MAP3K13: variants seen among roughly 807,000 people sequenced by gnomAD.
MAP3K13 encodes the protein mitogen-activated protein kinase kinase kinase 13.
A neutral mutation model predicts 104.0 loss-of-function variants in MAP3K13; 52 were observed. The ratio of observed to expected loss-of-function variants is 0.50; its 90% confidence interval spans 0.40 to 0.63. The LOEUF (loss-of-function observed/expected upper bound fraction) is 0.63, where lower values mean the gene tolerates loss of function less well. MAP3K13 is among the 20% of genes least tolerant of loss of function. The probability of loss-of-function intolerance (pLI) is 0.00; values close to 1 mark genes in which losing one functional copy is unlikely to be tolerated. For synonymous variants in MAP3K13, 394 were observed against 442.2 expected, an observed-to-expected ratio of 0.89 and a Z score of 1.37; for missense variants, 914 against 1,218.5, an observed-to-expected ratio of 0.75 and a Z score of 3.72.
chr3:185,285,596 A>G (rs1720479409), exon 2 of MAP3K13: 3 of 1,533,302 alleles, frequency 2.0e-6, no homozygotes, highest in South Asian at 1.2e-5. Context: ...GGACAAAAAC[A>G]TGAGTCAATA....
chr3:185,323,948 T>C (rs1031246047), intron 2 of MAP3K13, among the ~76,000 whole-genome samples: 12 of 152,154 alleles, frequency 7.9e-5, no homozygotes, highest in Admixed American at 7.9e-4. Flanking sequence ...GATGACGTCA[T>C]TGTACTTTTA....
intron 2 of MAP3K13, among the ~76,000 whole-genome samples, chr3:185,345,313 C>T (rs1435147299): frequency 6.6e-6 from 1 of 152,148 alleles, no homozygotes; most frequent in Non-Finnish European, 1.5e-5. Flanking sequence ...CTCCCACCTC[C>T]TCAATGTATA....
At position 185,466,778 on chromosome 3, in the gene MAP3K13, C is replaced by T. The variant is rs200257770; in HGVS notation, c.1506-48C>T. The T allele has an allele frequency of 1.6e-4, 254 of 1,610,052 alleles. 1 individual carries two copies. The highest frequency in any genetic ancestry group is 1.5e-3 in the Middle Eastern group (9 of 6,010). ...AGCCGGTGAAAATATTCTGCCTATC[C>T]TTTCTGTCTGCAATGACTGAGGTGT... On this transcript the variant is annotated intron_variant, in intron 9 of 13. Transcript: ENST00000265026.
exon 2 of MAP3K13, chr3:185,285,575 G>T: frequency 6.6e-7 from 1 of 1,523,744 alleles, no homozygotes; most frequent in Non-Finnish European, 8.8e-7. Context: ...AGAAACCCAC[G>T]GACCATTAAT....
chr3:185,331,393 C>A (rs927703265), intron 2 of MAP3K13, among the ~76,000 whole-genome samples: 3 of 151,836 alleles, frequency 2.0e-5, no homozygotes, highest in Non-Finnish European at 4.4e-5. Context: ...CTGCGCCTGG[C>A]CTTTTCTTTT....
intron 1 of MAP3K13, among the ~76,000 whole-genome samples, chr3:185,368,219 T>C (rs1577471719): frequency 6.6e-6 from 1 of 152,168 alleles, no homozygotes; most frequent in African/African-American, 2.4e-5. Flanking sequence ...GTATTCCCAC[T>C]GTACAGATGA....
chr3:185,463,706 A>C (rs760580856), intron 8 of MAP3K13, 47 bp downstream of exon 8: 1 of 1,063,394 alleles, frequency 9.4e-7, no homozygotes, highest in Admixed American at 1.7e-5. Flanking sequence ...CCAGGTCTTC[A>C]GATGTTAACA....
intron 1 of MAP3K13, among the ~76,000 whole-genome samples, chr3:185,414,829 A>G (rs1713653722): frequency 6.6e-6 from 1 of 152,212 alleles, no homozygotes; most frequent in Non-Finnish European, 1.5e-5. Context: ...CCAAATACTG[A>G]CAATGAATTT....
intron 1 of MAP3K13, among the ~76,000 whole-genome samples, chr3:185,414,626 G>A (rs1713638729): frequency 6.6e-6 from 1 of 152,182 alleles, no homozygotes; most frequent in African/African-American, 2.4e-5. Flanking sequence ...CAGGAACAGG[G>A]TGTAGAATCT....
At position 185,356,769 on chromosome 3, in the gene MAP3K13, TCG is replaced by T. The variant is rs1401308389; in HGVS notation, c.-86+71128_-86+71129del. 9.9e-5 allele frequency among the ~76,000 whole-genome samples: 15 copies of T among 152,202 alleles called. 1 individual carries two copies. The highest frequency in any genetic ancestry group is 2.9e-5 in the Non-Finnish European group (2 of 68,046). Reference sequence around the variant, plus strand: ...TGCCACGTGCTCACTCTTGGAGCACTCGCTTCAGATGGGGTCATCCCTATCTG... The same window carrying T: ...TGCCACGTGCTCACTCTTGGAGCACTCTTCAGATGGGGTCATCCCTATCTG... On this transcript the variant is annotated intron_variant, in intron 2 of 14. Coordinates refer to the MAP3K13 transcript ENST00000424227.
At chr3:185,398,205 G>A (rs569232974) in intron 1 of MAP3K13, among the ~76,000 whole-genome samples, 1 of 152,222 alleles carries the variant, frequency 6.6e-6, no homozygotes, top group Non-Finnish European at 1.5e-5. Flanking sequence ...AGAAATAACC[G>A]AGAGCCTAAG....
At chr3:185,437,831 G>A (rs559403103) in intron 3 of MAP3K13, among the ~76,000 whole-genome samples, 19 of 152,202 alleles carry the variant, frequency 1.2e-4, no homozygotes, top group East Asian at 3.9e-4. Flanking sequence ...TCATTTTGCC[G>A]AAGTATGTGC....
intron 1 of MAP3K13, among the ~76,000 whole-genome samples, chr3:185,368,815 C>T (rs541191115): frequency 2.0e-5 from 3 of 152,036 alleles, no homozygotes; most frequent in South Asian, 2.1e-4. Context: ...AAAAATTAGC[C>T]AGGCATGGTG....
chr3:185,292,787 G>T, intron 2 of MAP3K13: 2 of 985,252 alleles, frequency 2.0e-6, no homozygotes, highest in South Asian at 4.7e-5. Flanking sequence ...ATACTATCAT[G>T]GGCTAATTCT....
At chr3:185,308,056 C>T (rs187840751) in intron 2 of MAP3K13, among the ~76,000 whole-genome samples, 5 of 62,502 alleles carry the variant, frequency 8.0e-5, no homozygotes, top group East Asian at 9.4e-4. Context: ...TTCCCTTGGT[C>T]GGGCCCTTAT....
chr3:185,428,079 CAAA>C (rs112837150), intron 1 of MAP3K13, among the ~76,000 whole-genome samples: 6 of 96,970 alleles, frequency 6.2e-5, no homozygotes, highest in East Asian at 2.6e-4. Flanking sequence ...AACTCCGTCT[CAAA>C]AAAAAAAAAA....
At chr3:185,443,928 T>C (rs1431996990) in intron 4 of MAP3K13, among the ~76,000 whole-genome samples, 1 of 152,238 alleles carries the variant, frequency 6.6e-6, no homozygotes, top group East Asian at 1.9e-4. Flanking sequence ...TCATCTCAGA[T>C]AGCTAATGCC....
intron 2 of MAP3K13, among the ~76,000 whole-genome samples, chr3:185,344,678 C>G (rs1412970792): frequency 6.6e-6 from 1 of 152,158 alleles, no homozygotes; most frequent in Non-Finnish European, 1.5e-5. Context: ...TCAGCTACCA[C>G]GTTGATTGCT....
intron 2 of MAP3K13, among the ~76,000 whole-genome samples, chr3:185,337,179 AC>A (rs1722536762): frequency 6.6e-6 from 1 of 152,234 alleles, no homozygotes; most frequent in Non-Finnish European, 1.5e-5. Context: ...TGCTAGGATT[AC>A]AGGTGTAAGC....
Sources: allele counts gnomAD v4.1 joint callset (sites outside exome capture counted in the v4.1 genomes callset), GRCh38; gene constraint gnomAD v4.1.1; transcripts MANE v1.5; gene names NCBI Gene and HGNC (gene_info 2026-07-23, HGNC 2026-07-21).